SETBP1: variants seen among roughly 807,000 people sequenced by gnomAD.
The protein encoded by SETBP1 is SET-binding protein.
Under a neutral mutation model 101.0 loss-of-function variants are expected in SETBP1, and 9 were observed. The ratio of observed to expected loss-of-function variants is 0.09; its 90% CI spans 0.05 to 0.16. The LOEUF (loss-of-function observed/expected upper bound fraction) is 0.16, where lower values mean the gene tolerates loss of function less well. Ranked by LOEUF, SETBP1 falls within the 10% of genes least tolerant of loss-of-function variation. SETBP1 has a pLI of 1.00. For synonymous variants in SETBP1, 818 were observed against 788.5 expected (o/e 1.04, Z -0.63); for missense variants, 1,858 against 2,033.8 (o/e 0.91, Z 1.66).
intron 5 of SETBP1, among the ~76,000 whole-genome samples, chr18:45,057,309 TA>T (rs539351199): frequency 1.3e-5 from 2 of 151,702 alleles, no homozygotes; most frequent in Non-Finnish European, 2.9e-5. Context: ...TTCTCCCCAT[TA>T]AAAATAAAAA....
intron 2 of SETBP1, among the ~76,000 whole-genome samples, chr18:44,716,264 A>C (rs902611282): frequency 3.9e-5 from 6 of 152,118 alleles, no homozygotes; most frequent in Admixed American, 1.3e-4. Flanking sequence ...TGCTGCTGTC[A>C]GCTATAAGTG....
chr18:45,004,126 C>T (rs1456204293), intron 4 of SETBP1, among the ~76,000 whole-genome samples: 1 of 152,198 alleles, frequency 6.6e-6, no homozygotes, highest in Non-Finnish European at 1.5e-5. Context: ...AGAAATCCTG[C>T]ACCAGAATAA....
intron 1 of SETBP1, among the ~76,000 whole-genome samples, chr18:44,682,236 A>G (rs974375124): frequency 6.6e-6 from 1 of 152,148 alleles, no homozygotes; most frequent in African/African-American, 2.4e-5. Flanking sequence ...TTCACGTGCA[A>G]AGCATGTGTG....
chr18:44,952,107 A>G lies in SETBP1; in HGVS notation c.2767A>G (p.Ile923Val). 1 of 1,610,080 alleles carries G rather than the reference A, an allele frequency of 6.2e-7. No homozygotes were observed. Among genetic ancestry groups the G allele is most frequent in the Non-Finnish European group, 8.5e-7 (1 of 1,176,534 alleles). Reference sequence around the variant, plus strand: ...GCATGGCCACCGGCAAAAGCATCTCATTGTGGACAACTTTCTGGCCCACGA... The same window carrying G: ...GCATGGCCACCGGCAAAAGCATCTCGTTGTGGACAACTTTCTGGCCCACGA... ...NRHGHRQKHL[I>V]VDNFLAHESL... is the part of the protein sequence containing the mutation. The change falls in exon 4 of 6, where the codon ATT (isoleucine) becomes GTT (valine). Residue 923 changes from isoleucine (I) to valine (V), a missense_variant. Ile to Val is a conservative substitution (Grantham distance 29). Coordinates refer to ENST00000649279, the MANE Select transcript of SETBP1 (RefSeq NM_015559.3).
At chr18:44,680,225 G>A (rs1182315734), upstream of SETBP1, 6 of 145,388 alleles carry the variant, frequency 4.1e-5, 1 homozygote, top group Non-Finnish European at 3.0e-5. Context: ...CCGCGCGCCC[G>A]GGGGCCCCGG....
intron 2 of SETBP1, among the ~76,000 whole-genome samples, chr18:44,729,138 G>A (rs1440452963): frequency 6.6e-6 from 1 of 152,242 alleles, no homozygotes; most frequent in Non-Finnish European, 1.5e-5. Context: ...TGGAACCCAT[G>A]AAATCTGGCT....
intron 3 of SETBP1, among the ~76,000 whole-genome samples, chr18:44,899,450 C>T (rs1222505542): frequency 6.6e-6 from 1 of 152,188 alleles, no homozygotes; most frequent in African/African-American, 2.4e-5. Flanking sequence ...AATAGTTCCT[C>T]AGGCCAGTGC....
At chr18:44,701,130 G>A (rs568310671) in intron 1 of SETBP1, 45 bp from the exon 2 acceptor site, 1 of 446,652 alleles carries the variant, frequency 2.2e-6, no homozygotes, top group Admixed American at 3.8e-5. Context: ...AACCTTGGGG[G>A]TCATTTTCCT....
At chr18:44,777,358 C>T (rs1298175793) in intron 2 of SETBP1, among the ~76,000 whole-genome samples, 1 of 152,198 alleles carries the variant, frequency 6.6e-6, no homozygotes, top group East Asian at 1.9e-4. Context: ...ATACACTCAA[C>T]TCAGTCTTTC....
At chr18:45,026,668 T>C (rs537562928) in intron 4 of SETBP1, among the ~76,000 whole-genome samples, 76 of 152,336 alleles carry the variant, frequency 5.0e-4, no homozygotes, top group African/African-American at 1.8e-3. Context: ...TAGTACCTTT[T>C]GCAACTCCCT....
chr18:44,955,946 C>T (rs1347082315), intron 4 of SETBP1, among the ~76,000 whole-genome samples: 1 of 152,228 alleles, frequency 6.6e-6, no homozygotes, highest in Non-Finnish European at 1.5e-5. Context: ...TGTGGCCTTA[C>T]CTTTTCTGAA....
chr18:44,712,931 G>C (rs1382105284), intron 2 of SETBP1, among the ~76,000 whole-genome samples: 1 of 149,252 alleles, frequency 6.7e-6, no homozygotes, highest in African/African-American at 2.5e-5. Context: ...GAGCCTCTGA[G>C]CATTTCTCTT....
intron 2 of SETBP1, among the ~76,000 whole-genome samples, chr18:44,779,911 A>AACAC (rs147617143): frequency 1.7e-3 from 257 of 149,754 alleles, no homozygotes; most frequent in African/African-American, 6.0e-3. Context: ...TGCAGCCCCG[A>AACAC]ACACACACAC....
At chr18:44,908,029 G>C (rs2070215930) in intron 3 of SETBP1, among the ~76,000 whole-genome samples, 1 of 151,678 alleles carries the variant, frequency 6.6e-6, no homozygotes, top group Admixed American at 6.6e-5. Context: ...CAGGGCTCCA[G>C]CTCTTCTTCT....
At position 45,016,731 on chromosome 18, in the gene SETBP1, G is replaced by GCGCA. The variant is rs1352316966; in HGVS notation, c.4001-21753_4001-21752insGCAC. On this transcript the variant is annotated intron_variant, in intron 4 of 5. Transcript: ENST00000649279. Reference sequence around the variant, plus strand: ...TGTGAGATTATACACATTGGTGCGCGCACACACACACACACACACACACAC... The same window carrying GCGCA: ...TGTGAGATTATACACATTGGTGCGCGCGCACACACACACACACACACACACACAC... 1.7e-3 allele frequency among the ~76,000 whole-genome samples: 204 copies of GCGCA among 122,852 alleles called. 1 individual carries two copies. The highest frequency in any genetic ancestry group is 5.7e-3 in the African/African-American group (181 of 31,908). 80.6% of individuals were successfully genotyped at this position (122,852 alleles called of 152,430 possible).
intron 2 of SETBP1, among the ~76,000 whole-genome samples, chr18:44,805,622 T>C (rs749693006): frequency 1.4e-4 from 22 of 152,170 alleles, no homozygotes; most frequent in Admixed American, 6.5e-5. Flanking sequence ...TGAATTTCCA[T>C]GGTCTGTTAA....
In SETBP1 at chr18:44,799,158, T is replaced by C. The variant is rs577177279; in HGVS notation, c.487-70072T>C. On this transcript the variant is annotated intron_variant, in intron 2 of 5. Coordinates refer to ENST00000649279, the MANE Select transcript of SETBP1 (RefSeq NM_015559.3). ...GGATTTTTATGAACAGAATTATGAC[T>C]GTCATTAACATCTTATATTTGTGTA... 7.2e-5 allele frequency among the ~76,000 whole-genome samples: 11 copies of C among 152,342 alleles called. No homozygotes were observed. The South Asian group carries it at 1.9e-3, about 26-fold the overall frequency.
At chr18:45,032,719 G>A (rs1392634197) in intron 4 of SETBP1, among the ~76,000 whole-genome samples, 2 of 152,130 alleles carry the variant, frequency 1.3e-5, no homozygotes, top group Non-Finnish European at 2.9e-5. Context: ...AGAAAGCTGT[G>A]TCTTTTTCTA....
intron 4 of SETBP1, among the ~76,000 whole-genome samples, chr18:44,990,116 A>G (rs2072334274): frequency 6.6e-6 from 1 of 152,056 alleles, no homozygotes; most frequent in African/African-American, 2.4e-5. Context: ...TTTCAAACGC[A>G]AGAATAATGT....
Sources: allele counts gnomAD v4.1 joint callset (sites outside exome capture counted in the v4.1 genomes callset), GRCh38; gene constraint gnomAD v4.1.1; transcripts MANE v1.5; gene names NCBI Gene and HGNC (gene_info 2026-07-23, HGNC 2026-07-21).